Variants in NRAP observed in about 807,000 individuals in gnomAD.
NRAP encodes nebulin-related-anchoring protein.
In NRAP, 189 loss-of-function variants were observed where a neutral mutation model predicts 225.9. The ratio of observed to expected loss-of-function variants is 0.84; its 90% CI spans 0.74 to 0.94. The LOEUF (loss-of-function observed/expected upper bound fraction) is 0.94. Ranked by LOEUF, NRAP falls within the 40% of genes least tolerant of loss-of-function variation. The pLI is 0.00. For synonymous variants in NRAP, 769 were observed against 790.7 expected (o/e 0.97, Z 0.46); for missense variants, 2,176 against 2,168.7 (o/e 1.00, Z -0.07).
intron 34 of NRAP, among the ~76,000 whole-genome samples, chr10:113,605,286 G>T (rs1043022127): frequency 6.6e-6 from 1 of 152,224 alleles, no homozygotes; most frequent in African/African-American, 2.4e-5. Flanking sequence ...TCTGTGATTT[G>T]TTTGTGGGAA....
intron 18 of NRAP, among the ~76,000 whole-genome samples, chr10:113,630,160 C>T (rs563722515): frequency 9.2e-5 from 14 of 152,310 alleles, no homozygotes; most frequent in South Asian, 4.1e-4. Flanking sequence ...AGCAGGGTGA[C>T]CTCTGGAAAG....
chr10:113,617,185 G>A (rs1847716749), intron 26 of NRAP, among the ~76,000 whole-genome samples: 1 of 152,182 alleles, frequency 6.6e-6, no homozygotes, highest in Admixed American at 6.5e-5. Context: ...CACCACGAAT[G>A]AATCGGTGAG....
intron 18 of NRAP, among the ~76,000 whole-genome samples, chr10:113,631,204 A>C (rs1338844779): frequency 6.6e-6 from 1 of 152,208 alleles, no homozygotes; most frequent in Non-Finnish European, 1.5e-5. Flanking sequence ...GGTCTCGACC[A>C]GTGTCTTGCC....
chr10:113,608,813 C>T (rs926380475), intron 31 of NRAP, among the ~76,000 whole-genome samples: 2 of 152,192 alleles, frequency 1.3e-5, no homozygotes, highest in Non-Finnish European at 2.9e-5. Flanking sequence ...CTTTGCTGGA[C>T]AGAGAACCAG....
chr10:113,629,283 CT>C (rs34658787), intron 19 of NRAP, among the ~76,000 whole-genome samples: 24,860 of 151,896 alleles, frequency 0.16, 2,571 homozygotes, highest in Admixed American at 0.3. Flanking sequence ...GACCAAGGGC[CT>C]TTTTTTTGCC....
At chr10:113,639,350 T>G (rs539125234) in intron 14 of NRAP, among the ~76,000 whole-genome samples, 1 of 152,194 alleles carries the variant, frequency 6.6e-6, no homozygotes, top group African/African-American at 2.4e-5. Flanking sequence ...AACTGAATCC[T>G]ACTGCCCCAA....
intron 21 of NRAP, 126 bp from the exon 22 acceptor site, chr10:113,625,056 C>G: frequency 1.6e-6 from 1 of 631,360 alleles, no homozygotes; most frequent in Non-Finnish European, 2.9e-6. Context: ...TTACAAAACC[C>G]ACCAGATCAG....
intron 25 of NRAP, among the ~76,000 whole-genome samples, chr10:113,619,491 A>C (rs1445255044): frequency 6.6e-6 from 1 of 152,148 alleles, no homozygotes; most frequent in East Asian, 1.9e-4. Flanking sequence ...TTTTGAAGTC[A>C]ACTCTGCATT....
rs1564707559 is a variant in NRAP at position 113,606,275 on chromosome 10, T to C, written c.3710A>G (p.Tyr1237Cys). The C allele has an allele frequency of 6.2e-7, 1 of 1,609,650 alleles. No homozygotes were observed. The highest frequency in any genetic ancestry group is 8.5e-7 in the Non-Finnish European group (1 of 1,175,924). Residue 1237 changes from tyrosine (Y) to cysteine (C), a missense_variant, in exon 33 of 42, where the codon TAT becomes TGT. By Grantham distance (194) the Tyr-to-Cys change is radical. Transcript: ENST00000359988. ...FSNQITNERL[Y>C]KAAGEDARHE... ...TCTTGCATCCTCTCCAGCTGCTTTATAGAGGCGCTAGGCCAAAAAAATATA... is the reference window on the plus strand; with the variant it reads ...TCTTGCATCCTCTCCAGCTGCTTTACAGAGGCGCTAGGCCAAAAAAATATA...
chr10:113,663,751 T>C (rs757355258), intron 1 of NRAP, 60 bp downstream of exon 1: 5 of 1,180,598 alleles, frequency 4.2e-6, no homozygotes, highest in Non-Finnish European at 6.4e-6. Context: ...TGTCCATATG[T>C]GAGAAGGTCA....
intron 25 of NRAP, among the ~76,000 whole-genome samples, chr10:113,619,149 C>T (rs1482512974): frequency 2.0e-5 from 3 of 152,098 alleles, no homozygotes; most frequent in Non-Finnish European, 2.9e-5. Context: ...GGCTAACTAA[C>T]AACTGTGGGA....
chr10:113,637,362 C>A (rs1848933377), intron 14 of NRAP, among the ~76,000 whole-genome samples: 1 of 152,182 alleles, frequency 6.6e-6, no homozygotes, highest in Admixed American at 6.5e-5. Context: ...AGCTATGATT[C>A]AAATCCCAGG....
At chr10:113,633,541 A>G (rs1343768365) in intron 15 of NRAP, among the ~76,000 whole-genome samples, 1 of 152,220 alleles carries the variant, frequency 6.6e-6, no homozygotes, top group East Asian at 1.9e-4. Flanking sequence ...ATGCCTGCCC[A>G]CAATGACAAA....
intron 38 of NRAP, among the ~76,000 whole-genome samples, chr10:113,592,564 G>A (rs1013272256): frequency 2.6e-5 from 4 of 151,140 alleles, no homozygotes; most frequent in East Asian, 2.0e-4. Flanking sequence ...GCTCATTTGC[G>A]ACACCCACTT....
In NRAP at chr10:113,606,216, A is replaced by G. The variant is rs1219492283; in HGVS notation, c.3769T>C (p.Phe1257Leu). ...GCTGCATTCGTTTTTGCTCGGATGA[A>G]CTCGGGCAGACCCAGGGTCATTGTA... is the stretch of plus-strand genomic sequence containing the variant. ...EYTMTLGLPE[F>L]IRAKTNAANL... is the part of the protein sequence containing the mutation. The change falls in exon 33 of 42, where the codon TTC (phenylalanine) becomes CTC (leucine). Residue 1257 changes from phenylalanine (F) to leucine (L), a missense_variant. Phe to Leu is a conservative substitution (Grantham distance 22). This residue lies in a region of NRAP where 1,708 missense variants were observed against 1,695.5 expected (regional missense o/e 1.01). Transcript: ENST00000359988. The G allele has an allele frequency of 6.2e-7, 1 of 1,614,134 alleles. No homozygotes were observed. The highest frequency in any genetic ancestry group is 1.7e-5 in the Admixed American group (1 of 60,022).
chr10:113,606,911 C>T (rs1847002639), intron 32 of NRAP, among the ~76,000 whole-genome samples: 1 of 151,580 alleles, frequency 6.6e-6, no homozygotes, highest in Non-Finnish European at 1.5e-5. Flanking sequence ...ACTAAAAATA[C>T]AAAACTTAGG....
At chr10:113,655,452 A>ACTC (rs141531849) in intron 4 of NRAP, among the ~76,000 whole-genome samples, 1 of 145,262 alleles carries the variant, frequency 6.9e-6, no homozygotes, top group Non-Finnish European at 1.5e-5. Context: ...TTGTACATCC[A>ACTC]TTTTTTTTTT....
In NRAP at chr10:113,589,005, G is replaced by C. The variant is rs748831618; in HGVS notation, c.5163C>G (p.His1721Gln). The C allele has an allele frequency of 1.6e-5, 26 of 1,613,708 alleles. No homozygotes were observed. The highest frequency in any genetic ancestry group is 2.0e-5 in the Non-Finnish European group (24 of 1,179,822). ...ACAGCAGGGCCTTCTTCTTTTTGACGTGCAGAATCTCAGTGGCATCTGGGT... is the reference window on the plus strand; with the variant it reads ...ACAGCAGGGCCTTCTTCTTTTTGACCTGCAGAATCTCAGTGGCATCTGGGT... ...EVNPDATEILHVKKKKALLL is the reference protein window; with the variant it reads ...EVNPDATEILQVKKKKALLL The change falls in exon 42 of 42, where the codon CAC becomes CAG. Residue 1721 changes from histidine (H) to glutamine (Q), a missense_variant. Around this residue, in one of 3 missense-constraint regions of NRAP, gnomAD observed 445 missense variants for 426.1 expected, o/e 1.04. Coordinates refer to ENST00000359988, the MANE Select transcript of NRAP (RefSeq NM_198060.4).
chr10:113,612,673 C>G (rs906361904), intron 29 of NRAP, among the ~76,000 whole-genome samples: 2 of 152,182 alleles, frequency 1.3e-5, no homozygotes, highest in African/African-American at 4.8e-5. Flanking sequence ...ATGGTTCCCT[C>G]ATTTGAGGAA....
Sources: gnomAD v4.1 joint callset for allele counts (sites outside exome capture counted in the v4.1 genomes callset) on GRCh38, gnomAD v4.1.1 for gene constraint, gnomAD v4.1.1 regional missense constraint, MANE v1.5 for transcripts, NCBI Gene and HGNC (gene_info 2026-07-23, HGNC 2026-07-21) for gene names.